Variants in CEP162 observed in about 807,000 individuals in gnomAD.
CEP162 encodes the protein centrosomal protein 162.
A neutral mutation model predicts 169.2 loss-of-function variants in CEP162; 141 were observed. That is an observed-to-expected ratio of 0.83 (90% CI 0.73 to 0.96). The LOEUF (loss-of-function observed/expected upper bound fraction) is 0.96, where lower values mean the gene tolerates loss of function less well. Among genes scored for constraint, CEP162 ranks in the 40% least tolerant of loss-of-function variants. CEP162 has a pLI of 0.00. For synonymous variants in CEP162, 540 were observed against 526.4 expected, an observed-to-expected ratio of 1.03 and a Z score of -0.35; for missense variants, 1,600 against 1,587.2, an observed-to-expected ratio of 1.01 and a Z score of -0.14.
rs1047007945 is a variant in CEP162 at position 84,147,903 on chromosome 6, T to C, written c.3772-1118A>G. On this transcript the variant is annotated intron_variant, in intron 24 of 26. Transcript: ENST00000403245. ...AAACTAAGAGAAATTGGGAAAAATT[T>C]ATCTTATCTCTAATGCTGTATTTTT... Among the ~76,000 whole-genome samples the C allele has an allele frequency of 3.9e-5, 6 of 152,150 alleles. No homozygotes were observed. The South Asian group carries it at 6.2e-4, about 16-fold the overall frequency.
In CEP162 at chr6:84,146,667, A is replaced by T. The variant is rs775362632; in HGVS notation, c.3870+20T>A. Reference sequence around the variant, plus strand: ...CCTAAGAAAAACTTATTTTAGCCCAATATTTTGGCCATTTCTTACCTCTTT... The same window carrying T: ...CCTAAGAAAAACTTATTTTAGCCCATTATTTTGGCCATTTCTTACCTCTTT... On this transcript the variant is annotated intron_variant, in intron 25 of 26. Transcript: ENST00000403245. The T allele has an allele frequency of 1.7e-6, 2 of 1,206,686 alleles. No homozygotes were observed. Among genetic ancestry groups the T allele is most frequent in the Non-Finnish European group, 1.2e-6 (1 of 854,028 alleles). The allele number at this position is 1,206,686 out of a possible 1,614,324, so 74.7% of individuals were successfully genotyped here.
chr6:84,226,045 G>GT (rs540667501), intron 2 of CEP162, among the ~76,000 whole-genome samples: 8,169 of 147,262 alleles, frequency 0.055, 408 homozygotes, highest in African/African-American at 0.13. Flanking sequence ...GGAGTTGTTT[G>GT]TTTTTTTTTT....
At chr6:84,210,017 A>G (rs575286899) in intron 6 of CEP162, among the ~76,000 whole-genome samples, 40 of 152,220 alleles carry the variant, frequency 2.6e-4, no homozygotes, top group Non-Finnish European at 5.3e-4. Flanking sequence ...TATAAAAATG[A>G]AAGAGTAAAA....
intron 7 of CEP162, among the ~76,000 whole-genome samples, chr6:84,202,518 C>CTTTTTTTTTTTT (rs70987776): frequency 2.6e-4 from 24 of 90,744 alleles, no homozygotes; most frequent in African/African-American, 7.0e-4. Context: ...TTCTTTCTTT[C>CTTTTTTTTTTTT]TTTTTTTTTT....
chr6:84,142,096 T>C lies in CEP162; in HGVS notation c.3870+4591A>G, dbSNP rs558465044. On this transcript the variant is annotated intron_variant, in intron 25 of 26. Transcript: ENST00000403245. ...AAAAGGCAGCCCAGAGGGAGAAGAG[T>C]TTGTTTTTGTTTTTTTAAACACACT... is the stretch of plus-strand genomic sequence containing the variant. Among the ~76,000 whole-genome samples, 8 of 151,636 alleles carry C rather than the reference T, an allele frequency of 5.3e-5. No individual in the cohort carries two copies. The South Asian group carries it at 1.5e-3, about 28-fold the overall frequency.
At chr6:84,172,573 T>C (rs1029420557) in intron 16 of CEP162, among the ~76,000 whole-genome samples, 1 of 152,148 alleles carries the variant, frequency 6.6e-6, no homozygotes, top group African/African-American at 2.4e-5. Flanking sequence ...TTGTCTCTGT[T>C]GGAGGGGTTG....
intron 9 of CEP162, among the ~76,000 whole-genome samples, chr6:84,197,825 CAAAAA>C (rs564556727): frequency 4.7e-5 from 3 of 64,184 alleles, no homozygotes; most frequent in African/African-American, 8.6e-5. Context: ...TCAAACAAAA[CAAAAA>C]AAAAAAAAAA....
At chr6:84,213,421 A>G (rs759896648) in intron 5 of CEP162, among the ~76,000 whole-genome samples, 1 of 152,240 alleles carries the variant, frequency 6.6e-6, no homozygotes, top group Non-Finnish European at 1.5e-5. Flanking sequence ...TGCTAAGGTC[A>G]GCACTTACAT....
chr6:84,153,032 C>T lies in CEP162; in HGVS notation c.3142G>A (p.Glu1048Lys), dbSNP rs773560450. The change falls in exon 23 of 27, where the codon GAA becomes AAA. Residue 1048 changes from glutamate (E) to lysine (K), a missense_variant. Transcript: ENST00000403245. Reference sequence around the variant, plus strand: ...TTCTGATGTTTAAGAACGTCTATTTCGGCTTCAAGGTTTCTTACAGTGATC... The same window carrying T: ...TTCTGATGTTTAAGAACGTCTATTTTGGCTTCAAGGTTTCTTACAGTGATC... ...HQITVRNLEAEIDVLKHQNAE... is the reference protein window; with the variant it reads ...HQITVRNLEAKIDVLKHQNAE... 2.7e-5 allele frequency: 43 copies of T among 1,613,336 alleles called. No individual in the cohort carries two copies. The highest frequency in any genetic ancestry group is 2.0e-4 in the East Asian group (9 of 44,870).
intron 13 of CEP162, among the ~76,000 whole-genome samples, chr6:84,179,292 T>C (rs991990249): frequency 1.3e-5 from 2 of 152,196 alleles, no homozygotes; most frequent in African/African-American, 4.8e-5. Flanking sequence ...GTAAAAGTGT[T>C]CCTATTTCTC....
At position 84,186,449 on chromosome 6, in the gene CEP162, T is replaced by G. The variant is rs1019256862; in HGVS notation, c.1284A>C (p.Pro428=). The G allele has an allele frequency of 6.2e-7, 1 of 1,612,606 alleles. No individual in the cohort carries two copies. Residue 428 remains proline, a synonymous_variant, in exon 12 of 27, where the codon CCA becomes CCC. Transcript: ENST00000403245. The part of the protein sequence containing the change: ...TTNESMENSC[P]QVTEVTATEE... ...CTGTGGCAGTTACTTCAGTTACTTG[T>G]GGACAGCTGTTTTCCATACTCTCAT...
At chr6:84,207,523 C>T (rs1216486844) in intron 6 of CEP162, among the ~76,000 whole-genome samples, 1 of 135,024 alleles carries the variant, frequency 7.4e-6, no homozygotes, top group Non-Finnish European at 1.5e-5. Flanking sequence ...ACAATGAGAA[C>T]ACTTGGACAC....
intron 5 of CEP162, 112 bp downstream of exon 5, chr6:84,215,170 T>TA (rs2099551045): frequency 1.3e-5 from 7 of 540,392 alleles, no homozygotes; most frequent in Non-Finnish European, 2.1e-5. Flanking sequence ...ATTTAAAAAA[T>TA]AAGATTTAAG....
intron 11 of CEP162, among the ~76,000 whole-genome samples, chr6:84,191,910 A>G (rs1210653487): frequency 6.6e-6 from 1 of 152,198 alleles, no homozygotes; most frequent in Non-Finnish European, 1.5e-5. Flanking sequence ...GTTCCTACCA[A>G]TGGAATGTGA....
At chr6:84,145,563 G>GT (rs58002304) in intron 25 of CEP162, among the ~76,000 whole-genome samples, 5 of 151,908 alleles carry the variant, frequency 3.3e-5, no homozygotes, top group Non-Finnish European at 5.9e-5. Flanking sequence ...TTCTAGCCTT[G>GT]TTTTTTTATC....
At chr6:84,178,983 C>T (rs1029931819) in intron 13 of CEP162, among the ~76,000 whole-genome samples, 1 of 152,172 alleles carries the variant, frequency 6.6e-6, no homozygotes, top group Non-Finnish European at 1.5e-5. Flanking sequence ...CTACAAAGGA[C>T]ATGAACTCAT....
chr6:84,182,370 G>A (rs1233348859), intron 13 of CEP162, among the ~76,000 whole-genome samples: 1 of 150,722 alleles, frequency 6.6e-6, no homozygotes, highest in Non-Finnish European at 1.5e-5. Context: ...GTCCTTTCAT[G>A]GCAAAAAAAA....
At chr6:84,135,393 T>G (rs995625007) in intron 25 of CEP162, among the ~76,000 whole-genome samples, 3 of 152,200 alleles carry the variant, frequency 2.0e-5, no homozygotes, top group Non-Finnish European at 4.4e-5. Flanking sequence ...TATCACTGAC[T>G]GCTGGCAGGA....
chr6:84,220,679 T>A (rs1328462058), intron 3 of CEP162, among the ~76,000 whole-genome samples: 1 of 152,238 alleles, frequency 6.6e-6, no homozygotes, highest in East Asian at 1.9e-4. Flanking sequence ...ATTAACAAAC[T>A]GTGATACCAA....
Sources: allele counts gnomAD v4.1 joint callset (sites outside exome capture counted in the v4.1 genomes callset), GRCh38; gene constraint gnomAD v4.1.1; transcripts MANE v1.5; gene names NCBI Gene and HGNC (gene_info 2026-07-23, HGNC 2026-07-21).